FBN1: variants seen among roughly 807,000 people sequenced by gnomAD.
The protein encoded by FBN1 is fibrillin-1.
FBN1 carries 29 observed loss-of-function variants against 365.1 expected under a neutral mutation model. The observed-to-expected ratio is 0.08, with a 90% CI of 0.06 to 0.11. The LOEUF is 0.11. FBN1 is among the 10% of genes least tolerant of loss of function. FBN1 has a pLI of 1.00. For missense variants in FBN1, 2,476 were observed against 3,703.2 expected (o/e 0.67, Z 8.60); for synonymous variants, 1,210 against 1,270.5 (o/e 0.95, Z 1.01).
At chr15:48,640,524 T>C (rs1182749773) in intron 2 of FBN1, among the ~76,000 whole-genome samples, 1 of 152,200 alleles carries the variant, frequency 6.6e-6, no homozygotes, top group Non-Finnish European at 1.5e-5. Flanking sequence ...TTTATTTTAA[T>C]AACAGACTTC....
chr15:48,421,052 T>C (rs931057272), intron 62 of FBN1, among the ~76,000 whole-genome samples: 2 of 151,954 alleles, frequency 1.3e-5, no homozygotes, highest in Non-Finnish European at 2.9e-5. Context: ...CTGGGACAGC[T>C]CTGTAAGTTA....
intron 63 of FBN1, among the ~76,000 whole-genome samples, chr15:48,418,270 GA>G (rs1265692959): frequency 6.6e-6 from 1 of 152,314 alleles, no homozygotes; most frequent in South Asian, 2.1e-4. Flanking sequence ...TTAGGAAAGA[GA>G]GAAGGCTAGA....
At chr15:48,429,679 G>A (rs1203510918) in intron 56 of FBN1, among the ~76,000 whole-genome samples, 1 of 152,202 alleles carries the variant, frequency 6.6e-6, no homozygotes, top group Non-Finnish European at 1.5e-5. Context: ...AGCAGAGGTT[G>A]AGAATTACTG....
chr15:48,569,365 T>C (rs1440770549), intron 6 of FBN1, among the ~76,000 whole-genome samples: 2 of 152,140 alleles, frequency 1.3e-5, no homozygotes, highest in Non-Finnish European at 2.9e-5. Flanking sequence ...ACTCATTGTT[T>C]AATGGGAATG....
At chr15:48,596,518 C>G in intron 5 of FBN1, 140 bp from the exon 6 acceptor site, 1 of 762,390 alleles carries the variant, frequency 1.3e-6, no homozygotes, top group Non-Finnish European at 2.3e-6. Context: ...TCTACAGTTA[C>G]ACATACTCAG....
intron 63 of FBN1, 83 bp from the exon 64 acceptor site, chr15:48,415,850 G>A: frequency 1.7e-6 from 2 of 1,169,794 alleles, no homozygotes; most frequent in South Asian, 1.2e-5. Context: ...CTTGCTGCCG[G>A]CCAGCTGGCC....
chr15:48,459,324 T>C (rs1210119148), intron 43 of FBN1, among the ~76,000 whole-genome samples: 1 of 152,186 alleles, frequency 6.6e-6, no homozygotes, highest in African/African-American at 2.4e-5. Context: ...CCAATGTCAT[T>C]TAGCAGTTTT....
rs780024463 is a variant in FBN1, at chr15:48,468,113, T to C, written c.4583-11A>G. 51 of 1,613,878 alleles carry C rather than the reference T, an allele frequency of 3.2e-5. No homozygotes were observed. The highest frequency in any genetic ancestry group is 1.6e-4 in the Middle Eastern group (1 of 6,084). ...TTCCAGAGCGGGTATCTATTTACCA[T>C]ATACAAACACAAAAGCATCAGGCAG... On this transcript the variant is annotated splice_polypyrimidine_tract_variant and intron_variant, in intron 37 of 65. Transcript: ENST00000316623.
intron 6 of FBN1, among the ~76,000 whole-genome samples, chr15:48,593,944 C>T (rs1818147588): frequency 6.6e-6 from 1 of 152,164 alleles, no homozygotes. Context: ...AACCTAGGTA[C>T]TTATCCAGTA....
In FBN1 at chr15:48,487,204, T is replaced by C. The variant is rs1479967802; in HGVS notation, c.3464-4A>G. Reference sequence around the variant, plus strand: ...CTCAGCTCACATTCATTGATGTCTGTCGGGAAAATAAGAAGAACAAACACC... The same window carrying C: ...CTCAGCTCACATTCATTGATGTCTGCCGGGAAAATAAGAAGAACAAACACC... On this transcript the variant is annotated splice_region_variant and splice_polypyrimidine_tract_variant and intron_variant, in intron 28 of 65. Coordinates refer to ENST00000316623, the MANE Select transcript of FBN1 (RefSeq NM_000138.5). 1.2e-6 allele frequency: 2 copies of C among 1,613,994 alleles called. No individual in the cohort carries two copies. The highest frequency in any genetic ancestry group is 1.3e-5 in the African/African-American group (1 of 74,898).
intron 3 of FBN1, among the ~76,000 whole-genome samples, chr15:48,612,599 CTCTG>C (rs970194794): frequency 2.6e-5 from 4 of 152,202 alleles, no homozygotes; most frequent in African/African-American, 7.2e-5. Context: ...TTCCTTTCCC[CTCTG>C]TCTAAGAGTC....
chr15:48,568,030 A>AAAG (rs1555403266), intron 6 of FBN1, among the ~76,000 whole-genome samples: 13 of 113,052 alleles, frequency 1.1e-4, no homozygotes, highest in African/African-American at 5.7e-4. Context: ...AGAAAGAAAG[A>AAAG]AAGAAAGAAA....
chr15:48,565,295 T>A (rs955477178), intron 6 of FBN1, among the ~76,000 whole-genome samples: 1 of 152,190 alleles, frequency 6.6e-6, no homozygotes, highest in South Asian at 2.1e-4. Flanking sequence ...ATTAATTTTA[T>A]ACTTGTGGTC....
At chr15:48,504,979 C>A in intron 16 of FBN1, 46 bp downstream of exon 16, 1 of 1,612,108 alleles carries the variant, frequency 6.2e-7, no homozygotes. Context: ...TATTGAGTGA[C>A]AGAGGCTGAA....
chr15:48,559,226 T>G (rs944661557), intron 6 of FBN1, among the ~76,000 whole-genome samples: 8 of 151,976 alleles, frequency 5.3e-5, no homozygotes, highest in African/African-American at 1.9e-4. Flanking sequence ...CTTTGACAAT[T>G]TATTGGCTAG....
At position 48,503,933 on chromosome 15, in the gene FBN1, T is replaced by C. The variant is rs1555399777; in HGVS notation, c.1967A>G (p.His656Arg). Residue 656 changes from histidine to arginine, a missense_variant, in exon 17 of 66, where the codon CAC (histidine) becomes CGC (arginine). This residue lies in a region of FBN1 where 1,780 missense variants were observed against 2,840.8 expected (regional missense o/e 0.63). Coordinates refer to ENST00000316623, the MANE Select transcript of FBN1 (RefSeq NM_000138.5). ...TCCACCATAGCATGTGCTCCGCATG[T>C]GTGTGTCTAAACAGGAAGAAGCATC... ...GLDGRVCVDT[H>R]MRSTCYGGYK... The C allele has an allele frequency of 6.2e-7, 1 of 1,614,184 alleles. No individual in the cohort carries two copies. Among genetic ancestry groups the C allele is most frequent in the Non-Finnish European group, 8.5e-7 (1 of 1,180,032 alleles).
intron 6 of FBN1, among the ~76,000 whole-genome samples, chr15:48,565,347 CAA>C (rs1484122662): frequency 6.6e-6 from 1 of 152,030 alleles, no homozygotes; most frequent in Admixed American, 6.6e-5. Context: ...GTAGAACATT[CAA>C]AAGACACAAA....
intron 8 of FBN1, chr15:48,529,488 G>C (rs1386234817): frequency 6.6e-6 from 1 of 152,028 alleles, no homozygotes; most frequent in African/African-American, 2.4e-5. Flanking sequence ...CAGATGGATG[G>C]AGCTTGGTGT....
chr15:48,473,184 T>C (rs1166186173), intron 34 of FBN1, among the ~76,000 whole-genome samples: 3 of 152,200 alleles, frequency 2.0e-5, no homozygotes, highest in Non-Finnish European at 4.4e-5. Flanking sequence ...CTCAAAATGA[T>C]GGGAGGTTTT....
Sources: allele counts gnomAD v4.1 joint callset (sites outside exome capture counted in the v4.1 genomes callset), GRCh38; gene constraint gnomAD v4.1.1; regional missense constraint gnomAD v4.1.1; transcripts MANE v1.5; gene names NCBI Gene and HGNC (gene_info 2026-07-23, HGNC 2026-07-21).